CFAP69: variants seen among roughly 807,000 people sequenced by gnomAD.
The protein encoded by CFAP69 is cilia and flagella associated protein 69, also known as cilia- and flagella-associated protein 69.
Under a neutral mutation model 123.0 loss-of-function variants are expected in CFAP69, and 92 were observed. The observed-to-expected ratio is 0.75, with a 90% CI of 0.63 to 0.89. The LOEUF is 0.89. Ranked by LOEUF, CFAP69 falls within the 40% of genes least tolerant of loss-of-function variation. The probability of loss-of-function intolerance (pLI) is 0.00; values close to 1 mark genes in which losing one functional copy is unlikely to be tolerated. For synonymous variants in CFAP69, 380 were observed against 364.3 expected, an observed-to-expected ratio of 1.04 and a Z score of -0.49; for missense variants, 1,067 against 1,096.9, an observed-to-expected ratio of 0.97 and a Z score of 0.39.
intron 15 of CFAP69, among the ~76,000 whole-genome samples, chr7:90,293,641 T>C (rs925880229): frequency 6.6e-6 from 1 of 152,220 alleles, no homozygotes; most frequent in African/African-American, 2.4e-5. Flanking sequence ...TCACTTTCTT[T>C]ATACACCTTA....
intron 1 of CFAP69, among the ~76,000 whole-genome samples, chr7:90,250,024 G>C (rs2116538074): frequency 6.6e-6 from 1 of 152,192 alleles, no homozygotes; most frequent in East Asian, 1.9e-4. Context: ...GCTTAAAATT[G>C]TCTAGCCTTG....
At chr7:90,306,837 A>C in intron 19 of CFAP69, 64 bp from the exon 20 acceptor site, 1 of 974,212 alleles carries the variant, frequency 1.0e-6, no homozygotes, top group East Asian at 2.5e-5. Context: ...AAAAAATTGT[A>C]TAATTGTACA....
At chr7:90,277,451 T>A in intron 11 of CFAP69, 117 bp downstream of exon 11, 1 of 894,442 alleles carries the variant, frequency 1.1e-6, no homozygotes, top group Non-Finnish European at 1.6e-6. Context: ...CAGAAAGCAG[T>A]AAAATCTTAC....
At chr7:90,294,573 C>G in intron 15 of CFAP69, among the ~76,000 whole-genome samples, 1 of 152,148 alleles carries the variant, frequency 6.6e-6, no homozygotes, top group Non-Finnish European at 1.5e-5. Flanking sequence ...AGCATGGCCA[C>G]AAGGTTACAA....
intron 16 of CFAP69, among the ~76,000 whole-genome samples, chr7:90,299,666 C>CT (rs1285640265): frequency 6.6e-6 from 1 of 152,040 alleles, no homozygotes; most frequent in Non-Finnish European, 1.5e-5. Context: ...TATATTAAAT[C>CT]TTTTACTTTT....
At chr7:90,308,317 T>C (rs1793902477) in intron 21 of CFAP69, among the ~76,000 whole-genome samples, 1 of 152,182 alleles carries the variant, frequency 6.6e-6, no homozygotes, top group Non-Finnish European at 1.5e-5. Flanking sequence ...TATCCCTTTG[T>C]AGAAAAATGT....
chr7:90,255,548 CA>C (rs1797549558), intron 2 of CFAP69, 66 bp downstream of exon 2: 1 of 1,188,610 alleles, frequency 8.4e-7, no homozygotes, highest in Non-Finnish European at 1.2e-6. Context: ...TGAAAGGTAA[CA>C]TATATTCCTT....
intron 3 of CFAP69, among the ~76,000 whole-genome samples, 166 bp from the exon 4 acceptor site, chr7:90,261,781 T>C (rs1396582006): frequency 6.6e-6 from 1 of 152,200 alleles, no homozygotes; most frequent in Non-Finnish European, 1.5e-5. Flanking sequence ...AAAATATGGT[T>C]CTAAATTTCC....
intron 2 of CFAP69, among the ~76,000 whole-genome samples, chr7:90,256,487 T>C (rs1651262330): frequency 6.6e-6 from 1 of 151,712 alleles, no homozygotes; most frequent in African/African-American, 2.4e-5. Flanking sequence ...GTAACAAACC[T>C]TCACATTCTG....
chr7:90,245,490 C>T lies in CFAP69; in HGVS notation c.66C>T (p.Ser22=), dbSNP rs17862129. Residue 22 remains serine (S), a synonymous_variant, in exon 1 of 23, where the codon AGC becomes AGT. Transcript: ENST00000389297. Reference sequence around the variant, plus strand: ...AATCCGGCATCAGGAACAAGTCTAGCAGTTCCAGTCAAATCCCGGTGGTTG... The same window carrying T: ...AATCCGGCATCAGGAACAAGTCTAGTAGTTCCAGTCAAATCCCGGTGGTTG... ...AQESGIRNKS[S]SSSQIPVVGV... 2.3e-5 allele frequency: 36 copies of T among 1,542,464 alleles called. No homozygotes were observed. In the Admixed American group the frequency reaches 6.6e-4, roughly 28 times the overall value.
At chr7:90,313,486 G>A (rs1015272779), downstream of CFAP69, among the ~76,000 whole-genome samples, 1 of 152,076 alleles carries the variant, frequency 6.6e-6, no homozygotes, top group Non-Finnish European at 1.5e-5. Context: ...CCCAACTTTG[G>A]TTTCCAGTAT....
chr7:90,309,568 A>C (rs567629284), intron 22 of CFAP69, among the ~76,000 whole-genome samples: 275 of 152,050 alleles, frequency 1.8e-3, no homozygotes, highest in Non-Finnish European at 2.2e-3. Context: ...TAAAAAAAAA[A>C]CTTAGGCCCC....
At chr7:90,285,230 C>T (rs1225767377) in intron 13 of CFAP69, among the ~76,000 whole-genome samples, 2 of 152,084 alleles carry the variant, frequency 1.3e-5, no homozygotes, top group Non-Finnish European at 2.9e-5. Flanking sequence ...CTCCAGCAGG[C>T]TCAGCTAGCC....
At chr7:90,250,443 G>C (rs1167002926) in intron 1 of CFAP69, among the ~76,000 whole-genome samples, 1 of 152,150 alleles carries the variant, frequency 6.6e-6, no homozygotes, top group African/African-American at 2.4e-5. Flanking sequence ...AAAAATGCCA[G>C]ACACATGAAA....
intron 2 of CFAP69, among the ~76,000 whole-genome samples, chr7:90,256,104 TAGTA>T (rs1241472271): frequency 2.6e-5 from 4 of 152,094 alleles, no homozygotes; most frequent in African/African-American, 9.7e-5. Context: ...TACGTATTGT[TAGTA>T]AGTAGAAAAT....
At chr7:90,283,981 G>C (rs963782431) in intron 13 of CFAP69, among the ~76,000 whole-genome samples, 1 of 152,014 alleles carries the variant, frequency 6.6e-6, no homozygotes, top group Admixed American at 6.6e-5. Context: ...CAGTTTGTTT[G>C]GGATGAACAA....
chr7:90,266,590 T>G lies in CFAP69; in HGVS notation c.433+1213T>G, dbSNP rs536579700. ...TGTATTATAAATACATGGCTCACTTTTTACTGAGTGTCAACTTATTCTTTG... is the reference window on the plus strand; with the variant it reads ...TGTATTATAAATACATGGCTCACTTGTTACTGAGTGTCAACTTATTCTTTG... On this transcript the variant is annotated intron_variant, in intron 5 of 22. Transcript: ENST00000389297. Among the ~76,000 whole-genome samples, 8 of 152,312 alleles carry G rather than the reference T, an allele frequency of 5.3e-5. No homozygotes were observed. The South Asian group carries it at 1.5e-3, about 28-fold the overall frequency.
At position 90,271,973 on chromosome 7, in the gene CFAP69, T is replaced by C; in HGVS notation, c.860+15T>C. The C allele has an allele frequency of 1.3e-6, 2 of 1,596,278 alleles. No individual in the cohort carries two copies. The highest frequency in any genetic ancestry group is 1.7e-6 in the Non-Finnish European group (2 of 1,170,998). ...GAATGTTTGCTGTAAGCGTATGTGG[T>C]TAGATAGGAATGTTCTTTTAATCTT... On this transcript the variant is annotated intron_variant, in intron 8 of 22. Coordinates refer to ENST00000389297, the MANE Select transcript of CFAP69 (RefSeq NM_001039706.3).
In CFAP69 at chr7:90,262,796, A is replaced by G. The variant is rs1055917142; in HGVS notation, c.356+740A>G. On this transcript the variant is annotated intron_variant, in intron 4 of 22. Transcript: ENST00000389297. The stretch of plus-strand genomic sequence containing the variant: ...ATTTTAATATACAAATAATATATAA[A>G]TAATAGAAAGGTTTAGTAGAATTAT... 7.9e-5 allele frequency among the ~76,000 whole-genome samples: 12 copies of G among 152,006 alleles called. No individual in the cohort carries two copies. The East Asian group carries it at 2.1e-3, about 27-fold the overall frequency.
Sources: gnomAD v4.1 joint callset for allele counts (sites outside exome capture counted in the v4.1 genomes callset) on GRCh38, gnomAD v4.1.1 for gene constraint, MANE v1.5 for transcripts, NCBI Gene and HGNC (gene_info 2026-07-23, HGNC 2026-07-21) for gene names.